Variants in CCDC192 observed in about 807,000 individuals in gnomAD.
The protein encoded by CCDC192 is coiled-coil domain-containing protein 192.
intron 6 of CCDC192, among the ~76,000 whole-genome samples, chr5:127,909,485 A>G (rs1186464890): frequency 2.0e-5 from 3 of 151,908 alleles, no homozygotes; most frequent in Non-Finnish European, 4.4e-5. Flanking sequence ...TAGGAAGAAA[A>G]CAGACTTTTC....
intron 3 of CCDC192, among the ~76,000 whole-genome samples, chr5:127,757,831 ATG>A (rs150942058): frequency 0.019 from 2,603 of 138,732 alleles, 45 homozygotes; most frequent in African/African-American, 0.041. Context: ...ATCTGTGTGT[ATG>A]TGTGTGTGTG....
chr5:127,925,492 A>T (rs188032592), intron 6 of CCDC192, among the ~76,000 whole-genome samples: 3 of 152,334 alleles, frequency 2.0e-5, no homozygotes, highest in Admixed American at 2.0e-4. Flanking sequence ...AGCTTAGCAG[A>T]CACATCCCTG....
At chr5:127,768,792 T>C (rs928515276) in intron 3 of CCDC192, among the ~76,000 whole-genome samples, 1 of 152,218 alleles carries the variant, frequency 6.6e-6, no homozygotes, top group African/African-American at 2.4e-5. Flanking sequence ...ACTCCTAAAA[T>C]TGAAATGAGA....
chr5:127,725,021 A>T (rs192996373), intron 2 of CCDC192, among the ~76,000 whole-genome samples: 1 of 152,312 alleles, frequency 6.6e-6, no homozygotes, highest in Admixed American at 6.5e-5. Flanking sequence ...TAAAGGCATA[A>T]TAGAAAAACT....
In CCDC192 at chr5:127,734,659, G is replaced by T. The variant is rs1418047373; in HGVS notation, c.115-19609G>T. On this transcript the variant is annotated intron_variant, in intron 2 of 6. Coordinates refer to ENST00000514853, the MANE Select transcript of CCDC192 (RefSeq NM_001317938.2). ...TGGTATCTCATTGTGGTTTTGATTT[G>T]CATTTCTCTGATGGCCAGTGATGGT... Among the ~76,000 whole-genome samples the T allele has an allele frequency of 3.7e-3, 537 of 143,646 alleles. 3 individuals are homozygous for T. The highest frequency in any genetic ancestry group is 0.014 in the African/African-American group (517 of 37,674). 94.2% of individuals were successfully genotyped at this position (143,646 alleles called of 152,430 possible).
intron 2 of CCDC192, among the ~76,000 whole-genome samples, chr5:127,719,450 TAC>T (rs1751834428): frequency 9.1e-6 from 1 of 110,450 alleles, no homozygotes; most frequent in Non-Finnish European, 1.9e-5. Context: ...TACATATATA[TAC>T]ATACATATAT....
chr5:127,870,008 G>A (rs1455749982), intron 5 of CCDC192, among the ~76,000 whole-genome samples: 6 of 152,106 alleles, frequency 3.9e-5, no homozygotes, highest in Non-Finnish European at 8.8e-5. Context: ...GATTCCTAAG[G>A]GTTTGTGTAT....
chr5:127,912,280 G>A (rs948105900), intron 6 of CCDC192, among the ~76,000 whole-genome samples: 83 of 151,848 alleles, frequency 5.5e-4, no homozygotes, highest in African/African-American at 1.4e-3. Context: ...GCAAGGAAAC[G>A]CTACTGACAG....
chr5:127,704,550 C>T (rs1041409849), intron 1 of CCDC192, among the ~76,000 whole-genome samples: 2 of 152,188 alleles, frequency 1.3e-5, no homozygotes. Flanking sequence ...TTCTTATTTG[C>T]TTTTCGTCTT....
chr5:127,762,683 C>T (rs1026314786), intron 3 of CCDC192, among the ~76,000 whole-genome samples: 3 of 152,150 alleles, frequency 2.0e-5, no homozygotes, highest in Non-Finnish European at 2.9e-5. Context: ...CTGACCGGTG[C>T]TAATAAATGT....
At chr5:127,897,066 T>C (rs963996843) in intron 6 of CCDC192, among the ~76,000 whole-genome samples, 27 of 152,244 alleles carry the variant, frequency 1.8e-4, no homozygotes, top group Admixed American at 4.6e-4. Context: ...TCTCTCTTTT[T>C]TTTTTTAAAG....
chr5:127,936,170 A>C (rs1754181524), intron 6 of CCDC192, among the ~76,000 whole-genome samples: 1 of 152,224 alleles, frequency 6.6e-6, no homozygotes, highest in African/African-American at 2.4e-5. Flanking sequence ...CTATACTGGT[A>C]GCAGATGAGG....
chr5:127,918,300 A>G (rs1753590832), intron 6 of CCDC192, among the ~76,000 whole-genome samples: 1 of 151,788 alleles, frequency 6.6e-6, no homozygotes, highest in African/African-American at 2.4e-5. Flanking sequence ...GTCTTTCAAG[A>G]TGCTTGCTTT....
chr5:127,895,511 T>G (rs1752855338), intron 6 of CCDC192, among the ~76,000 whole-genome samples: 1 of 152,154 alleles, frequency 6.6e-6, no homozygotes, highest in African/African-American at 2.4e-5. Flanking sequence ...AAATAAAATC[T>G]AGAGCACAAT....
intron 6 of CCDC192, among the ~76,000 whole-genome samples, chr5:127,878,417 C>T (rs937917148): frequency 1.5e-4 from 23 of 152,132 alleles, no homozygotes; most frequent in African/African-American, 4.1e-4. Flanking sequence ...GCAGCTCCTA[C>T]GAAAAGCACA....
At chr5:127,894,253 T>C (rs578057075) in intron 6 of CCDC192, among the ~76,000 whole-genome samples, 2,158 of 146,434 alleles carry the variant, frequency 0.015, 48 homozygotes, top group African/African-American at 0.051. Context: ...AGTGCAGTGG[T>C]GTGATCTTGG....
intron 6 of CCDC192, among the ~76,000 whole-genome samples, chr5:127,889,322 A>C (rs1354893311): frequency 6.6e-6 from 1 of 152,130 alleles, no homozygotes; most frequent in East Asian, 1.9e-4. Context: ...AAGGCAATAA[A>C]TAAGTAAATA....
At position 127,807,373 on chromosome 5, in the gene CCDC192, A is replaced by AC. The variant is rs576361157; in HGVS notation, c.411+9212dup. Among the ~76,000 whole-genome samples the AC allele has an allele frequency of 1.5e-3, 229 of 152,242 alleles. 1 individual carries two copies. The highest frequency in any genetic ancestry group is 5.3e-3 in the African/African-American group (221 of 41,560). ...TCCTGTCATGTCCTGTCAGGTCAGT[A>AC]CTTTCTCGGCACATTTCTTTCCATG... On this transcript the variant is annotated intron_variant, in intron 5 of 6. Transcript: ENST00000514853.
chr5:127,735,817 G>A (rs1752952108), intron 2 of CCDC192, among the ~76,000 whole-genome samples: 1 of 133,940 alleles, frequency 7.5e-6, no homozygotes. Flanking sequence ...ATCAGCTTAA[G>A]GAGATTTTGG....
Sources: allele counts gnomAD v4.1 joint callset (sites outside exome capture counted in the v4.1 genomes callset), GRCh38; gene constraint gnomAD v4.1.1; transcripts MANE v1.5; gene names NCBI Gene and HGNC (gene_info 2026-07-23, HGNC 2026-07-21).